Variants in ADAM7 observed in about 807,000 individuals in gnomAD.
ADAM7 encodes ADAM metallopeptidase domain 7.
ADAM7 carries 97 observed loss-of-function variants against 102.9 expected under a neutral mutation model. The ratio of observed to expected loss-of-function variants is 0.94; its 90% CI spans 0.80 to 1.12. The LOEUF (loss-of-function observed/expected upper bound fraction) is 1.12, where lower values mean the gene tolerates loss of function less well. ADAM7 is among the 50% of genes most tolerant of loss of function. The pLI, the probability that ADAM7 is intolerant of heterozygous loss-of-function variation, is 0.00. For synonymous variants in ADAM7, 334 were observed against 304.4 expected, an observed-to-expected ratio of 1.10 and a Z score of -1.01; for missense variants, 991 against 908.7, an observed-to-expected ratio of 1.09 and a Z score of -1.16.
At chr8:24,453,385 C>A (rs988936545) in intron 3 of ADAM7, among the ~76,000 whole-genome samples, 10 of 152,236 alleles carry the variant, frequency 6.6e-5, no homozygotes, top group African/African-American at 2.4e-4. Flanking sequence ...TCCCTTCTCG[C>A]TTCATTTCAT....
chr8:24,472,241 T>A (rs1047409018), intron 7 of ADAM7, among the ~76,000 whole-genome samples: 1 of 151,498 alleles, frequency 6.6e-6, no homozygotes, highest in African/African-American at 2.4e-5. Flanking sequence ...TTGAACCACA[T>A]AAATGCAAGT....
At chr8:24,441,913 C>T (rs1413642974) in intron 1 of ADAM7, among the ~76,000 whole-genome samples, 1 of 152,192 alleles carries the variant, frequency 6.6e-6, no homozygotes, top group African/African-American at 2.4e-5. Context: ...GTGGCTCATG[C>T]CTGTAATCCC....
At chr8:24,494,812 C>T (rs1312366831) in intron 16 of ADAM7, among the ~76,000 whole-genome samples, 1 of 152,018 alleles carries the variant, frequency 6.6e-6, no homozygotes, top group Non-Finnish European at 1.5e-5. Context: ...TCTCTAAAAC[C>T]AAAGGACAAG....
intron 2 of ADAM7, among the ~76,000 whole-genome samples, chr8:24,443,881 C>A (rs1478449538): frequency 6.6e-6 from 1 of 151,808 alleles, no homozygotes; most frequent in African/African-American, 2.4e-5. Flanking sequence ...TTGCAGTGAG[C>A]CAAGATCATG....
intron 2 of ADAM7, among the ~76,000 whole-genome samples, 165 bp downstream of exon 2, chr8:24,442,741 G>A (rs192840961): frequency 6.6e-6 from 1 of 152,286 alleles, no homozygotes; most frequent in Admixed American, 6.5e-5. Flanking sequence ...CCCTCAATGG[G>A]TTAGAAAACA....
chr8:24,485,854 G>A (rs1470240125), intron 10 of ADAM7, among the ~76,000 whole-genome samples: 1 of 152,034 alleles, frequency 6.6e-6, no homozygotes, highest in Non-Finnish European at 1.5e-5. Flanking sequence ...TAAGCTTCTA[G>A]TAAATGTTGT....
At chr8:24,482,065 A>G in intron 8 of ADAM7, 77 bp from the exon 9 acceptor site, 1 of 1,060,368 alleles carries the variant, frequency 9.4e-7, no homozygotes, top group Non-Finnish European at 1.3e-6. Context: ...TTTTGGGGAA[A>G]TGTAAAGGAA....
At chr8:24,497,089 G>C (rs1331957261) in intron 16 of ADAM7, among the ~76,000 whole-genome samples, 1 of 152,136 alleles carries the variant, frequency 6.6e-6, no homozygotes, top group African/African-American at 2.4e-5. Flanking sequence ...CTGATACTGA[G>C]TAAGTCTCAT....
At chr8:24,503,119 A>G (rs1017851337) in intron 20 of ADAM7, among the ~76,000 whole-genome samples, 14 of 152,348 alleles carry the variant, frequency 9.2e-5, no homozygotes, top group African/African-American at 3.1e-4. Context: ...CTGTATTATC[A>G]GTGAAAGTGT....
Position 24,501,534 on chromosome 8 carries a change from G to C in ADAM7, c.2166G>C (p.Gln722His), listed in dbSNP as rs1820758997. The part of the protein sequence containing the change: ...ENKGYFGDEQ[Q>H]IRTEPILPEI... ...AAGGATACTTTGGTGATGAGCAGCA[G>C]ATAAGGACTGAGCCAATCCTGCCAG... is the stretch of plus-strand genomic sequence containing the variant. Residue 722 changes from glutamine (Q) to histidine (H), a missense_variant, in exon 20 of 22, where the codon CAG becomes CAC. By Grantham distance (24) the Gln-to-His change is conservative. Transcript: ENST00000175238. 6.2e-7 allele frequency: 1 copy of C among 1,608,392 alleles called. No homozygotes were observed. Among genetic ancestry groups the C allele is most frequent in the Non-Finnish European group, 8.5e-7 (1 of 1,178,208 alleles).
In ADAM7 at chr8:24,454,626, C is replaced by A. The variant is rs566515632; in HGVS notation, c.233+7364C>A. On this transcript the variant is annotated intron_variant, in intron 3 of 21. Transcript: ENST00000175238. ...CTTCCCGGGGTGAGGCAATGCCTCG[C>A]CCTGCTTCTGCTCGTGCACGGTGCG... Among the ~76,000 whole-genome samples, 51 of 152,284 alleles carry A rather than the reference C, an allele frequency of 3.3e-4. 1 individual carries two copies. The highest frequency in any genetic ancestry group is 3.4e-3 in the Middle Eastern group (1 of 294).
chr8:24,476,644 G>T, intron 8 of ADAM7, 140 bp downstream of exon 8: 1 of 508,612 alleles, frequency 2.0e-6, no homozygotes, highest in Non-Finnish European at 3.4e-6. Context: ...AAAATCCACG[G>T]GAAAAAATAA....
chr8:24,458,390 A>C (rs754783714), intron 3 of ADAM7, among the ~76,000 whole-genome samples: 1 of 151,956 alleles, frequency 6.6e-6, no homozygotes, highest in Non-Finnish European at 1.5e-5. Context: ...TGTTAAATTT[A>C]TTTCTTTATA....
At chr8:24,473,218 AC>A (rs113303592) in intron 7 of ADAM7, among the ~76,000 whole-genome samples, 1 of 152,074 alleles carries the variant, frequency 6.6e-6, no homozygotes, top group African/African-American at 2.4e-5. Context: ...AGAGGAAAAA[AC>A]CCCACATTTT....
chr8:24,499,657 CAAGTT>C (rs1388741182), intron 17 of ADAM7, among the ~76,000 whole-genome samples: 3 of 152,042 alleles, frequency 2.0e-5, no homozygotes, highest in East Asian at 1.9e-4. Flanking sequence ...ACACCAATGT[CAAGTT>C]AAGCTTTTGA....
intron 3 of ADAM7, among the ~76,000 whole-genome samples, chr8:24,452,631 G>C (rs1323453023): frequency 6.7e-6 from 1 of 149,104 alleles, no homozygotes; most frequent in Non-Finnish European, 1.5e-5. Flanking sequence ...CTTTTAATTG[G>C]AGCATTTAGT....
intron 20 of ADAM7, among the ~76,000 whole-genome samples, chr8:24,504,171 C>T (rs150308303): frequency 0.01 from 1,537 of 151,958 alleles, 17 homozygotes; most frequent in Non-Finnish European, 0.016. Context: ...AGTTCTAGAC[C>T]AGGCTGAGTA....
chr8:24,486,086 A>G (rs1038503624), intron 10 of ADAM7, among the ~76,000 whole-genome samples: 14 of 152,116 alleles, frequency 9.2e-5, no homozygotes, highest in African/African-American at 3.4e-4. Flanking sequence ...TCATAGAGTC[A>G]ATTTCATCTG....
intron 3 of ADAM7, among the ~76,000 whole-genome samples, chr8:24,463,514 C>A (rs1422196923): frequency 2.6e-5 from 4 of 152,012 alleles, no homozygotes; most frequent in Admixed American, 2.6e-4. Flanking sequence ...GACGTACTCG[C>A]CACATATATC....
Sources: allele counts gnomAD v4.1 joint callset (sites outside exome capture counted in the v4.1 genomes callset), GRCh38; gene constraint gnomAD v4.1.1; transcripts MANE v1.5; gene names NCBI Gene and HGNC (gene_info 2026-07-23, HGNC 2026-07-21).